The following RGL3 variants were observed in gnomAD, a reference collection of about 807,000 sequenced individuals.
RGL3 encodes ral guanine nucleotide dissociation stimulator-like 3.
In RGL3, 85 loss-of-function variants were observed where a neutral mutation model predicts 90.6. The ratio of observed to expected loss-of-function variants is 0.94; its 90% CI spans 0.79 to 1.12. The LOEUF (loss-of-function observed/expected upper bound fraction) is 1.12, where lower values mean the gene tolerates loss of function less well. RGL3 is among the 50% of genes most tolerant of loss of function. The pLI, the probability that RGL3 is intolerant of heterozygous loss-of-function variation, is 0.00. For missense variants in RGL3, 1,034 were observed against 939.2 expected (o/e 1.10, Z -1.32); for synonymous variants, 408 against 385.5 (o/e 1.06, Z -0.68).
chr19:11,403,770 A>G (rs1020665297), intron 9 of RGL3, among the ~76,000 whole-genome samples: 47 of 151,988 alleles, frequency 3.1e-4, no homozygotes, highest in African/African-American at 1.0e-3. Flanking sequence ...GCTTGTGGGT[A>G]GTGGCCCCCA....
At chr19:11,406,990 A>ATT (rs5827125) in intron 5 of RGL3, 126 bp from the exon 6 acceptor site, 2,232 of 758,430 alleles carry the variant, frequency 2.9e-3, no homozygotes, top group East Asian at 4.8e-3. Flanking sequence ...GCTCTCTTAA[A>ATT]TTTTTTTTTT....
At chr19:11,414,197 TTA>T (rs58572497) in intron 5 of RGL3, among the ~76,000 whole-genome samples, 1,201 of 64,732 alleles carry the variant, frequency 0.019, 26 homozygotes, top group East Asian at 0.065. Flanking sequence ...ATATATACCT[TTA>T]TATATATATA....
chr19:11,414,504 T>C (rs1405878838), intron 5 of RGL3, among the ~76,000 whole-genome samples: 2 of 96,736 alleles, frequency 2.1e-5, no homozygotes, highest in Non-Finnish European at 3.9e-5. Flanking sequence ...TATATATATA[T>C]ATATATATAT....
At chr19:11,401,055 T>C (rs1330880355) in intron 13 of RGL3, among the ~76,000 whole-genome samples, 13 of 151,066 alleles carry the variant, frequency 8.6e-5, no homozygotes, top group Non-Finnish European at 1.9e-4. Flanking sequence ...GGGTCAAGGG[T>C]TGGGGTCAGA....
chr19:11,406,446 C>T lies in RGL3; in HGVS notation c.969G>A (p.Arg323=). The change falls in exon 7 of 19, where the codon CGG becomes CGA. Residue 323 remains arginine, a synonymous_variant. Coordinates refer to ENST00000380456, the MANE Select transcript of RGL3 (RefSeq NM_001035223.4). ...GGGCGATGCGGATCCACTTCTCCAGCCGCTGCGCCCTCTGCGGGGCGGCCA... is the reference window on the plus strand; with the variant it reads ...GGGCGATGCGGATCCACTTCTCCAGTCGCTGCGCCCTCTGCGGGGCGGCCA... ...PGLAAPQRAQ[R]LEKWIRIAQR... is the part of the protein sequence containing the mutation. The T allele has an allele frequency of 6.5e-7, 1 of 1,544,106 alleles. No individual in the cohort carries two copies. Among genetic ancestry groups the T allele is most frequent in the Non-Finnish European group, 8.7e-7 (1 of 1,148,670 alleles).
At chr19:11,397,716 A>G in intron 16 of RGL3, 119 bp from the exon 17 acceptor site, 2 of 1,049,976 alleles carry the variant, frequency 1.9e-6, no homozygotes, top group East Asian at 5.6e-5. Flanking sequence ...TTAAAATCTC[A>G]AGAAAACATT....
chr19:11,414,153 A>ATATATATATATACACC (rs1968921393), intron 5 of RGL3, among the ~76,000 whole-genome samples: 2 of 85,026 alleles, frequency 2.4e-5, no homozygotes, highest in Non-Finnish European at 2.3e-5. Context: ...ATATATATAT[A>ATATATATATATACACC]TATATATATA....
chr19:11,416,185 A>G (rs928625592), intron 4 of RGL3, 37 bp from the exon 5 acceptor site: 2 of 1,163,454 alleles, frequency 1.7e-6, no homozygotes, highest in South Asian at 3.0e-5. Flanking sequence ...CTGGGTCCAG[A>G]GTGGGGGACA....
intron 18 of RGL3, among the ~76,000 whole-genome samples, chr19:11,395,667 C>G (rs997431553): frequency 2.0e-5 from 3 of 152,040 alleles, no homozygotes; most frequent in Non-Finnish European, 4.4e-5. Flanking sequence ...CTCACTCTGT[C>G]GCCAGGCTGG....
At chr19:11,418,521 T>C in intron 2 of RGL3, 150 bp downstream of exon 2, 3 of 580,842 alleles carry the variant, frequency 5.2e-6, no homozygotes, top group African/African-American at 2.0e-5. Flanking sequence ...CCGCCCCCAG[T>C]CCCCTTTCTA....
At chr19:11,412,067 G>A (rs1273787809) in intron 5 of RGL3, among the ~76,000 whole-genome samples, 2 of 152,024 alleles carry the variant, frequency 1.3e-5, no homozygotes, top group Non-Finnish European at 2.9e-5. Flanking sequence ...ATCACCTGAG[G>A]TCAGGAGTTC....
Position 11,406,608 on chromosome 19 carries a change from G to T in RGL3, c.807C>A (p.Tyr269Ter), listed in dbSNP as rs775121152. 9.6e-6 allele frequency: 15 copies of T among 1,555,162 alleles called. No individual in the cohort carries two copies. The highest frequency in any genetic ancestry group is 2.6e-6 in the Non-Finnish European group (3 of 1,149,590). ...GCGACCACACGGAGCCCAAGCACTC[G>T]TAGAGCCTCACCTTGGAGAAGAGCT... Reference protein sequence around the residue: ...DLELFSKVRLYECLGSVWSQR... With the variant: ...DLELFSKVRL The change falls in exon 7 of 19, where the codon TAC becomes TAA. Residue 269 changes from tyrosine (Y) to a stop codon, truncating the protein, a stop_gained. Transcript: ENST00000380456. LOFTEE classifies it high-confidence loss of function.
At position 11,415,947 on chromosome 19, in the gene RGL3, C is replaced by G. The variant is rs767023959; in HGVS notation, c.627G>C (p.Gln209His). The stretch of plus-strand genomic sequence containing the variant: ...CTGAAAACCCCTCACCTGTCCACAC[C>G]TGAGGCGGCTCCTCTTCCTGCTCTC... ...AEREQEEEPP[Q>H]VWTGPPRVAQ... Residue 209 changes from glutamine (Q) to histidine (H), a missense_variant, in exon 5 of 19, where the codon CAG (glutamine) becomes CAC (histidine). Physicochemically the swap from Gln to His is conservative, Grantham distance 24. Transcript: ENST00000380456. 6.2e-7 allele frequency: 1 copy of G among 1,613,378 alleles called. No homozygotes were observed. The highest frequency in any genetic ancestry group is 1.7e-5 in the Admixed American group (1 of 59,910).
intron 4 of RGL3, 41 bp from the exon 5 acceptor site, chr19:11,416,189 G>C (rs768086013): frequency 8.5e-6 from 12 of 1,410,432 alleles, no homozygotes; most frequent in Admixed American, 2.7e-5. Context: ...GTCCAGAGTG[G>C]GGGACATAGA....
intron 9 of RGL3, among the ~76,000 whole-genome samples, chr19:11,404,152 G>A (rs1315263414): frequency 6.6e-6 from 1 of 152,190 alleles, no homozygotes; most frequent in Non-Finnish European, 1.5e-5. Flanking sequence ...CAAAGTGTTG[G>A]GATTATAGGC....
intron 9 of RGL3, among the ~76,000 whole-genome samples, chr19:11,404,743 C>G (rs1389459687): frequency 6.6e-6 from 1 of 152,144 alleles, no homozygotes; most frequent in Non-Finnish European, 1.5e-5. Flanking sequence ...TCTAGATTCA[C>G]TCTAAAAACC....
chr19:11,414,636 C>G (rs1036411380), intron 5 of RGL3, among the ~76,000 whole-genome samples: 1 of 148,364 alleles, frequency 6.7e-6, no homozygotes, highest in Non-Finnish European at 1.5e-5. Flanking sequence ...GGAGATTAAG[C>G]GATGGGGATT....
intron 5 of RGL3, among the ~76,000 whole-genome samples, chr19:11,414,599 T>C (rs2144740216): frequency 6.9e-6 from 1 of 144,636 alleles, no homozygotes. Context: ...CTTTGTAAAT[T>C]GGACAGGAAG....
chr19:11,394,818 G>C (rs1341715726), intron 18 of RGL3: 2 of 325,596 alleles, frequency 6.1e-6, no homozygotes, highest in South Asian at 3.0e-5. Context: ...GGCCGGGCGC[G>C]ATGCCTCGTG....
Sources: allele counts gnomAD v4.1 joint callset (sites outside exome capture counted in the v4.1 genomes callset), GRCh38; gene constraint gnomAD v4.1.1; transcripts MANE v1.5; gene names NCBI Gene and HGNC (gene_info 2026-07-23, HGNC 2026-07-21).